Variants in DPP6 observed in about 807,000 individuals in gnomAD.
DPP6 encodes the protein A-type potassium channel modulatory protein DPP6.
In DPP6, 69 loss-of-function variants were observed where a neutral mutation model predicts 122.6. The observed-to-expected ratio is 0.56, with a 90% CI of 0.46 to 0.69. The LOEUF (loss-of-function observed/expected upper bound fraction) is 0.69. Ranked by LOEUF, DPP6 falls within the 30% of genes least tolerant of loss-of-function variation. DPP6 has a pLI of 0.00. For missense variants in DPP6, 928 were observed against 1,116.9 expected, an observed-to-expected ratio of 0.83 and a Z score of 2.41; for synonymous variants, 418 against 433.1, an observed-to-expected ratio of 0.97 and a Z score of 0.43.
intron 16 of DPP6, among the ~76,000 whole-genome samples, chr7:154,816,301 A>G (rs1799422422): frequency 6.6e-6 from 1 of 152,166 alleles, no homozygotes; most frequent in Non-Finnish European, 1.5e-5. Flanking sequence ...CCACATTCAT[A>G]ATAACTTTTA....
At chr7:154,798,470 G>A (rs1232598304) in intron 12 of DPP6, among the ~76,000 whole-genome samples, 1 of 152,220 alleles carries the variant, frequency 6.6e-6, no homozygotes, top group Non-Finnish European at 1.5e-5. Flanking sequence ...GTTTTCAAAT[G>A]TAAAGTTTAA....
chr7:154,841,568 T>C (rs374644146), intron 16 of DPP6, among the ~76,000 whole-genome samples: 7 of 152,076 alleles, frequency 4.6e-5, no homozygotes, highest in Admixed American at 3.9e-4. Context: ...ATTTTGGGAA[T>C]GTACTGAGAA....
At chr7:154,127,628 CACACAGACACACACACACACACAG>C (rs1417814808) in intron 1 of DPP6, among the ~76,000 whole-genome samples, 87 of 106,980 alleles carry the variant, frequency 8.1e-4, no homozygotes, top group African/African-American at 3.6e-3. Context: ...CACACACACA[CACACAGACACACACACACACACAG>C]ACACACACAC....
At chr7:153,802,205 A>G in the DPP6 span, among the ~76,000 whole-genome samples, 4 of 152,184 alleles carry the variant, frequency 2.6e-5, no homozygotes, top group African/African-American at 9.7e-5. Context: ...TGCCTAAGCC[A>G]CCAGAAACTT....
At chr7:154,079,256 C>T (rs192475603) in intron 1 of DPP6, among the ~76,000 whole-genome samples, 246 of 152,274 alleles carry the variant, frequency 1.6e-3, no homozygotes, top group African/African-American at 5.8e-3. Context: ...TAAAATGCTA[C>T]GTTAGCTGTT....
At chr7:154,203,975 G>A (rs377330254) in intron 1 of DPP6, among the ~76,000 whole-genome samples, 4 of 152,348 alleles carry the variant, frequency 2.6e-5, no homozygotes, top group African/African-American at 9.6e-5. Context: ...AGTTGCTATT[G>A]TAAGTGGATG....
intron 3 of DPP6, among the ~76,000 whole-genome samples, chr7:154,498,250 G>T (rs555620166): frequency 6.6e-6 from 1 of 152,284 alleles, no homozygotes; most frequent in Admixed American, 6.5e-5. Flanking sequence ...GAGGTGGAAG[G>T]TAATAGAATC....
At chr7:154,021,807 G>C (rs1416620105) in intron 1 of DPP6, among the ~76,000 whole-genome samples, 1 of 152,176 alleles carries the variant, frequency 6.6e-6, no homozygotes, top group Non-Finnish European at 1.5e-5. Flanking sequence ...AAGCCTCCCT[G>C]TTTCATTTAT....
chr7:154,520,424 T>C (rs1826876958), intron 3 of DPP6, among the ~76,000 whole-genome samples: 1 of 152,276 alleles, frequency 6.6e-6, no homozygotes, highest in Non-Finnish European at 1.5e-5. Flanking sequence ...GACTCTGCTT[T>C]AGAGGTTGCA....
At chr7:154,511,201 G>A (rs951273053) in intron 3 of DPP6, among the ~76,000 whole-genome samples, 1 of 152,090 alleles carries the variant, frequency 6.6e-6, no homozygotes, top group Non-Finnish European at 1.5e-5. Context: ...TTTGAGATGG[G>A]ATAACATAAA....
At chr7:154,686,662 C>A (rs1839625822) in intron 7 of DPP6, among the ~76,000 whole-genome samples, 2 of 152,172 alleles carry the variant, frequency 1.3e-5, no homozygotes, top group African/African-American at 4.8e-5. Context: ...TTATCCAGCA[C>A]AGCATTCCTC....
chr7:154,746,513 C>T (rs1843043507), intron 8 of DPP6, among the ~76,000 whole-genome samples: 1 of 152,146 alleles, frequency 6.6e-6, no homozygotes. Flanking sequence ...ACCAGAAGTA[C>T]CAGCAAATGC....
At chr7:154,401,594 A>G (rs56337227) in intron 1 of DPP6, among the ~76,000 whole-genome samples, 13,676 of 152,264 alleles carry the variant, frequency 0.09, 709 homozygotes, top group East Asian at 0.13. Flanking sequence ...ACAAAAATCA[A>G]TTCAAGATGG....
intron 16 of DPP6, among the ~76,000 whole-genome samples, chr7:154,832,602 CAA>C (rs992322251): frequency 6.6e-5 from 10 of 152,188 alleles, no homozygotes; most frequent in African/African-American, 2.4e-4. Flanking sequence ...TGAGCCCACA[CAA>C]GAGCCAGAGT....
chr7:154,119,103 T>C (rs965505767), intron 1 of DPP6, among the ~76,000 whole-genome samples: 4 of 152,318 alleles, frequency 2.6e-5, no homozygotes, highest in Admixed American at 2.6e-4. Context: ...GTAGCTGTGA[T>C]GGATTGGGCT....
intron 1 of DPP6, among the ~76,000 whole-genome samples, chr7:154,090,978 A>G (rs1043109838): frequency 3.8e-4 from 58 of 150,914 alleles, no homozygotes; most frequent in Admixed American, 1.4e-3. Flanking sequence ...AAAATTAGCC[A>G]GGCGTGGTGG....
intron 1 of DPP6, among the ~76,000 whole-genome samples, chr7:154,116,884 A>G (rs1807029703): frequency 6.6e-6 from 1 of 152,182 alleles, no homozygotes; most frequent in Non-Finnish European, 1.5e-5. Context: ...TCCCAGGGCA[A>G]ATTCACTCCT....
chr7:153,889,384 C>T (rs1563209116), intron 1 of DPP6, among the ~76,000 whole-genome samples: 1 of 152,160 alleles, frequency 6.6e-6, no homozygotes, highest in African/African-American at 2.4e-5. Context: ...ATCCATCATT[C>T]CTAACTTACG....
At chr7:153,977,392 A>G (rs1401315056) in intron 1 of DPP6, among the ~76,000 whole-genome samples, 2 of 152,236 alleles carry the variant, frequency 1.3e-5, no homozygotes, top group South Asian at 2.1e-4. Context: ...GGCCTTTGCC[A>G]CAATCAGTAC....
Sources: allele counts gnomAD v4.1 joint callset (sites outside exome capture counted in the v4.1 genomes callset), GRCh38; gene constraint gnomAD v4.1.1; transcripts MANE v1.5; gene names NCBI Gene and HGNC (gene_info 2026-07-23, HGNC 2026-07-21).